The following GDAP2 variants were observed in gnomAD, a reference collection of about 807,000 sequenced individuals.
GDAP2 encodes the protein ganglioside-induced differentiation-associated protein 2.
Under a neutral mutation model 67.0 loss-of-function variants are expected in GDAP2, and 51 were observed. The ratio of observed to expected loss-of-function variants is 0.76; its 90% CI spans 0.61 to 0.96. The LOEUF (loss-of-function observed/expected upper bound fraction) is 0.96. Among genes scored for constraint, GDAP2 ranks in the 40% least tolerant of loss-of-function variants. The pLI is 0.00. For missense variants in GDAP2, 547 were observed against 588.3 expected (o/e 0.93, Z 0.73); for synonymous variants, 203 against 207.3 (o/e 0.98, Z 0.18).
intron 13 of GDAP2, chr1:117,877,742 T>C: frequency 8.5e-7 from 1 of 1,171,060 alleles, no homozygotes; most frequent in Non-Finnish European, 1.1e-6. Context: ...GGTAGAAAAC[T>C]TACAATACAA....
chr1:117,871,260 C>G (rs913842844), intron 13 of GDAP2, among the ~76,000 whole-genome samples: 1 of 152,124 alleles, frequency 6.6e-6, no homozygotes, highest in South Asian at 2.1e-4. Context: ...AATGCCAAAC[C>G]TTTAATGTCA....
At chr1:117,905,100 T>C (rs1268960316) in intron 6 of GDAP2, among the ~76,000 whole-genome samples, 1 of 152,196 alleles carries the variant, frequency 6.6e-6, no homozygotes, top group Non-Finnish European at 1.5e-5. Context: ...CCAGTACCCT[T>C]GTTCAGGCCT....
chr1:117,874,230 T>C (rs1570962769), intron 13 of GDAP2, among the ~76,000 whole-genome samples: 1 of 152,044 alleles, frequency 6.6e-6, no homozygotes, highest in East Asian at 1.9e-4. Context: ...TAGTCGGAGG[T>C]GTTTGGGTCA....
chr1:117,902,794 A>G (rs1388786370), intron 6 of GDAP2, among the ~76,000 whole-genome samples: 2 of 152,202 alleles, frequency 1.3e-5, no homozygotes, highest in Non-Finnish European at 2.9e-5. Context: ...AATTTCTGCA[A>G]AAAATGAGTT....
chr1:117,883,008 A>T (rs1648708597), intron 11 of GDAP2: 1 of 152,350 alleles, frequency 6.6e-6, no homozygotes, highest in South Asian at 2.1e-4. Context: ...CAAGGGAAAT[A>T]TGCTTTAATG....
chr1:117,906,565 G>C lies in GDAP2; in HGVS notation c.577C>G (p.Leu193Val). ...TCAATGGTTTCCCCATGAATCTCTA[G>C]GAATCTTCTTACAGTGCCTAAGGAA... ...HIALRTVRRF[L>V]EIHGETIEKV... The change falls in exon 6 of 14, where the codon CTA becomes GTA. Residue 193 changes from leucine to valine, a missense_variant. Transcript: ENST00000369443. 6.4e-7 allele frequency: 1 copy of C among 1,558,436 alleles called. No individual in the cohort carries two copies. The highest frequency in any genetic ancestry group is 1.1e-5 in the South Asian group (1 of 88,894).
Position 117,912,592 on chromosome 1 carries a change from G to T in GDAP2, c.408C>A (p.Arg136=). The change falls in exon 4 of 14, where the codon CGC becomes CGA. Residue 136 remains arginine, a synonymous_variant. Transcript: ENST00000369443. The part of the protein sequence containing the change: ...IHTVGPKYKS[R]YRTAAESSLY... The stretch of plus-strand genomic sequence containing the variant: ...GGGAACTCTCAGCTGCTGTGCGATA[G>T]CGGCTTTTATATTTAGGTCCCACTG... 6.2e-7 allele frequency: 1 copy of T among 1,613,568 alleles called. No homozygotes were observed. The highest frequency in any genetic ancestry group is 8.5e-7 in the Non-Finnish European group (1 of 1,179,546).
rs1179579138 is a variant in GDAP2 at position 117,876,666 on chromosome 1, C to A, written c.1446+1343G>T. ...TTGTATTTATACAAAAATAAAACAG[C>A]CAAAATACACAACCAAACAAAACAA... On this transcript the variant is annotated intron_variant, in intron 13 of 13. Transcript: ENST00000369443. Among the ~76,000 whole-genome samples the A allele has an allele frequency of 2.0e-5, 3 of 152,076 alleles. No homozygotes were observed. In the East Asian group the frequency reaches 5.8e-4, roughly 29 times the overall value.
At chr1:117,925,925 A>T (rs1189624180) in intron 1 of GDAP2, among the ~76,000 whole-genome samples, 7 of 152,102 alleles carry the variant, frequency 4.6e-5, no homozygotes, top group Non-Finnish European at 8.8e-5. Context: ...AAGCCCACCA[A>T]ATCACTTTAA....
At chr1:117,924,728 C>A (rs1006159308) in intron 1 of GDAP2, among the ~76,000 whole-genome samples, 1 of 152,096 alleles carries the variant, frequency 6.6e-6, no homozygotes. Flanking sequence ...TCTTATTTGA[C>A]ACTAAATACA....
At position 117,873,330 on chromosome 1, in the gene GDAP2, TC is replaced by T. The variant is rs201036234; in HGVS notation, c.1447-2715del. Among the ~76,000 whole-genome samples, 1,059 of 152,142 alleles carry T rather than the reference TC, an allele frequency of 7.0e-3. 12 individuals are homozygous for T. The highest frequency in any genetic ancestry group is 0.024 in the African/African-American group (983 of 41,496). On this transcript the variant is annotated intron_variant, in intron 13 of 13. Coordinates refer to ENST00000369443, the MANE Select transcript of GDAP2 (RefSeq NM_017686.4). Reference sequence around the variant, plus strand: ...AATAGCTTCTGATTACCTTCAAAGGTCCCTTTTAATCCTATAAAATTGATGT... The same window carrying T: ...AATAGCTTCTGATTACCTTCAAAGGTCCTTTTAATCCTATAAAATTGATGT...
intron 13 of GDAP2, chr1:117,877,748 T>C (rs760165434): frequency 2.5e-5 from 29 of 1,180,320 alleles, no homozygotes; most frequent in Non-Finnish European, 2.8e-5. Flanking sequence ...AAACTTACAA[T>C]ACAAACGAAA....
intron 10 of GDAP2, 134 bp from the exon 11 acceptor site, chr1:117,883,761 C>T: frequency 3.5e-6 from 2 of 571,214 alleles, no homozygotes; most frequent in South Asian, 2.4e-5. Context: ...AAATGGATAA[C>T]TCAGAGTGAT....
chr1:117,920,078 T>C (rs905555056), intron 2 of GDAP2, 104 bp downstream of exon 2: 2 of 660,752 alleles, frequency 3.0e-6, no homozygotes, highest in Admixed American at 2.6e-5. Flanking sequence ...CATATACGTA[T>C]ACGCAAAGCT....
chr1:117,867,523 T>A lies in GDAP2; in HGVS notation c.*3046A>T, dbSNP rs1648110445. The A allele has an allele frequency of 1.8e-5, 2 of 111,386 alleles. No homozygotes were observed. The highest frequency in any genetic ancestry group is 3.7e-5 in the African/African-American group (1 of 26,734). 6.9% of individuals were successfully genotyped at this position (111,386 alleles called of 1,614,324 possible). On this transcript the variant is annotated 3_prime_UTR_variant, in exon 14 of 14. Coordinates refer to ENST00000369443, the MANE Select transcript of GDAP2 (RefSeq NM_017686.4). ...GGCCAACATGGTGAAACCCTGTCTC[T>A]ACTGAAAAAAAAAAAAAAAAAAAAA...
intron 2 of GDAP2, among the ~76,000 whole-genome samples, chr1:117,919,811 A>T (rs1349142265): frequency 6.6e-6 from 1 of 152,166 alleles, no homozygotes; most frequent in African/African-American, 2.4e-5. Context: ...CACACAATTC[A>T]ATTTAAATAA....
At position 117,899,151 on chromosome 1, in the gene GDAP2, C is replaced by T. The variant is rs779766642; in HGVS notation, c.702G>A (p.Leu234=). ...PRSLKEENRS[L]PYLPADIGNA... Reference sequence around the variant, plus strand: ...TTCCAATATCTGCAGGTAGGTAGGGCAATGATCGATTCTCCTCTTTTAATG... The same window carrying T: ...TTCCAATATCTGCAGGTAGGTAGGGTAATGATCGATTCTCCTCTTTTAATG... Residue 234 remains leucine, a synonymous_variant, in exon 7 of 14, where the codon TTG becomes TTA. Coordinates refer to ENST00000369443, the MANE Select transcript of GDAP2 (RefSeq NM_017686.4). 8.1e-6 allele frequency: 13 copies of T among 1,609,964 alleles called. No individual in the cohort carries two copies. In the East Asian group the frequency reaches 2.5e-4, roughly 30 times the overall value.
Position 117,899,188 on chromosome 1 carries a change from T to C in GDAP2, c.665A>G (p.Tyr222Cys). The change falls in exon 7 of 14, where the codon TAC becomes TGC. Residue 222 changes from tyrosine (Y) to cysteine (C), a missense_variant. Tyr to Cys is a radical substitution (Grantham distance 194). Coordinates refer to ENST00000369443, the MANE Select transcript of GDAP2 (RefSeq NM_017686.4). ...CTCCTCTTTTAATGACCTTGGGAAG[T>C]AGAGAGGTAGCAGCTTTTGGTAAGT... Reference protein sequence around the residue: ...EGTYQKLLPLYFPRSLKEENR... With the variant: ...EGTYQKLLPLCFPRSLKEENR... 1.9e-6 allele frequency: 3 copies of C among 1,611,676 alleles called. No individual in the cohort carries two copies. The highest frequency in any genetic ancestry group is 2.5e-6 in the Non-Finnish European group (3 of 1,177,854).
chr1:117,902,974 A>C (rs116920730), intron 6 of GDAP2, among the ~76,000 whole-genome samples: 2,034 of 152,284 alleles, frequency 0.013, 37 homozygotes, highest in South Asian at 0.092. Flanking sequence ...TACAAATCTT[A>C]CTGTTCTTTT....
Sources: gnomAD v4.1 joint callset for allele counts (sites outside exome capture counted in the v4.1 genomes callset) on GRCh38, gnomAD v4.1.1 for gene constraint, MANE v1.5 for transcripts, NCBI Gene and HGNC (gene_info 2026-07-23, HGNC 2026-07-21) for gene names.